GRID2: variants seen among roughly 807,000 people sequenced by gnomAD.
GRID2 encodes glutamate receptor ionotropic, delta-2.
GRID2 carries 33 observed loss-of-function variants against 114.8 expected under a neutral mutation model. That is an observed-to-expected ratio of 0.29 (90% CI 0.22 to 0.38). The LOEUF (loss-of-function observed/expected upper bound fraction) is 0.38, where lower values mean the gene tolerates loss of function less well. GRID2 is among the 10% of genes least tolerant of loss of function. GRID2 has a pLI of 1.00. For synonymous variants in GRID2, 505 were observed against 449.9 expected (o/e 1.12, Z -1.55); for missense variants, 1,184 against 1,257.7 (o/e 0.94, Z 0.89).
At chr4:92,659,466 T>C (rs1732414605) in intron 2 of GRID2, among the ~76,000 whole-genome samples, 1 of 151,520 alleles carries the variant, frequency 6.6e-6, no homozygotes, top group African/African-American at 2.4e-5. Flanking sequence ...GACTTTAGAA[T>C]GTTTCAGATA....
At chr4:93,764,365 G>A (rs1401235234) in intron 14 of GRID2, among the ~76,000 whole-genome samples, 1 of 152,164 alleles carries the variant, frequency 6.6e-6, no homozygotes, top group African/African-American at 2.4e-5. Flanking sequence ...AAGGAAATGA[G>A]ATGTCCGTGT....
At chr4:92,977,695 G>A (rs1438124750) in intron 2 of GRID2, among the ~76,000 whole-genome samples, 1 of 152,140 alleles carries the variant, frequency 6.6e-6, no homozygotes, top group Non-Finnish European at 1.5e-5. Flanking sequence ...GGACTATGGG[G>A]TTGACAATAG....
At chr4:92,568,342 G>A (rs943340790) in intron 1 of GRID2, among the ~76,000 whole-genome samples, 11 of 151,968 alleles carry the variant, frequency 7.2e-5, no homozygotes, top group Non-Finnish European at 5.9e-5. Flanking sequence ...AGTTTCTACA[G>A]GTGTGTCGAG....
chr4:93,335,694 C>CTTTTT (rs55823712), intron 8 of GRID2, among the ~76,000 whole-genome samples: 9,908 of 141,530 alleles, frequency 0.07, 617 homozygotes, highest in African/African-American at 0.12. Context: ...TTTCTTCTTT[C>CTTTTT]TTTTTTTTTT....
At chr4:93,648,362 A>G (rs937401291) in intron 14 of GRID2, among the ~76,000 whole-genome samples, 17 of 152,194 alleles carry the variant, frequency 1.1e-4, no homozygotes, top group Non-Finnish European at 1.8e-4. Context: ...AGAAAAAGGA[A>G]CAAAGCCCCT....
chr4:93,453,795 G>C (rs533238591), intron 10 of GRID2, among the ~76,000 whole-genome samples: 2 of 151,962 alleles, frequency 1.3e-5, no homozygotes, highest in South Asian at 4.2e-4. Context: ...AAATGTTTTG[G>C]GTCACTAGTG....
At chr4:92,646,525 T>C (rs981135907) in intron 2 of GRID2, among the ~76,000 whole-genome samples, 51 of 152,156 alleles carry the variant, frequency 3.4e-4, no homozygotes, top group African/African-American at 1.1e-3. Context: ...TATGTTTTCA[T>C]CTAGAAATGC....
At chr4:93,726,097 C>A (rs1032785076) in intron 14 of GRID2, among the ~76,000 whole-genome samples, 1 of 151,994 alleles carries the variant, frequency 6.6e-6, no homozygotes, top group African/African-American at 2.4e-5. Flanking sequence ...AGGTTTTCTT[C>A]TAGGGTTTTT....
chr4:92,728,346 A>C (rs931847595), intron 2 of GRID2, among the ~76,000 whole-genome samples: 1 of 152,110 alleles, frequency 6.6e-6, no homozygotes, highest in African/African-American at 2.4e-5. Context: ...TTATCTGGGT[A>C]AGTCTGATTC....
chr4:93,301,216 A>G (rs1754837730), intron 8 of GRID2, among the ~76,000 whole-genome samples: 1 of 152,238 alleles, frequency 6.6e-6, no homozygotes, highest in South Asian at 2.1e-4. Context: ...TTAAGAAGAT[A>G]TTAAATGTTT....
At chr4:92,748,166 T>C (rs1218815716) in intron 2 of GRID2, among the ~76,000 whole-genome samples, 2 of 152,340 alleles carry the variant, frequency 1.3e-5, no homozygotes, top group Non-Finnish European at 2.9e-5. Context: ...GATTTCTGAA[T>C]ACATTTTTTC....
chr4:93,027,783 A>G (rs1371276304), intron 2 of GRID2, among the ~76,000 whole-genome samples: 1 of 152,148 alleles, frequency 6.6e-6, no homozygotes, highest in Non-Finnish European at 1.5e-5. Context: ...CAAATTTAAT[A>G]TCTTAGGATA....
chr4:92,932,697 T>G (rs928589049), intron 2 of GRID2, among the ~76,000 whole-genome samples: 1 of 151,304 alleles, frequency 6.6e-6, no homozygotes, highest in Non-Finnish European at 1.5e-5. Context: ...ATACATTATC[T>G]TATATTCATA....
rs1048609867 is a variant in GRID2, at chr4:92,571,549, G to T, written c.89-18582G>T. 9.2e-5 allele frequency among the ~76,000 whole-genome samples: 14 copies of T among 152,252 alleles called. 1 individual carries two copies. The Middle Eastern group carries it at 0.017, about 185-fold the overall frequency. ...CAAATGGACCTAATAGACATCTACA[G>T]AACTCTCCACCCCAAATCAACAGAA... On this transcript the variant is annotated intron_variant, in intron 1 of 15. Transcript: ENST00000282020.
chr4:93,422,699 T>G (rs1768410184), intron 9 of GRID2, 72 bp from the exon 10 acceptor site: 1 of 932,402 alleles, frequency 1.1e-6, no homozygotes, highest in Non-Finnish European at 1.7e-6. Flanking sequence ...ATCAAAACTC[T>G]TTAAAGAATT....
intron 13 of GRID2, among the ~76,000 whole-genome samples, chr4:93,576,710 G>A (rs536950288): frequency 3.9e-5 from 6 of 152,086 alleles, no homozygotes; most frequent in South Asian, 2.1e-4. Flanking sequence ...TCTTCGATAC[G>A]TGTGCATTTC....
At chr4:93,618,581 G>T (rs1178713237) in intron 13 of GRID2, among the ~76,000 whole-genome samples, 3 of 152,190 alleles carry the variant, frequency 2.0e-5, no homozygotes, top group Non-Finnish European at 4.4e-5. Context: ...GGAGGTCTCT[G>T]TCCATCCATT....
At chr4:93,612,359 G>A (rs1486284935) in intron 13 of GRID2, among the ~76,000 whole-genome samples, 1 of 150,092 alleles carries the variant, frequency 6.7e-6, no homozygotes, top group East Asian at 1.9e-4. Context: ...TCATTATGAT[G>A]TTAGCTGGTT....
rs1725790434 is a variant in GRID2 at position 92,313,091 on chromosome 4, G to A, written c.88+8347G>A. Among the ~76,000 whole-genome samples, 8 of 149,924 alleles carry A rather than the reference G, an allele frequency of 5.3e-5. No homozygotes were observed. The South Asian group carries it at 1.5e-3, about 28-fold the overall frequency. ...TAAAGAAACTCTGATATGTGTGTGT[G>A]TGTGTGTGTGTGTGTGTGTGTGTGT... On this transcript the variant is annotated intron_variant, in intron 1 of 15. Transcript: ENST00000282020.
Sources: allele counts gnomAD v4.1 joint callset (sites outside exome capture counted in the v4.1 genomes callset), GRCh38; gene constraint gnomAD v4.1.1; transcripts MANE v1.5; gene names NCBI Gene and HGNC (gene_info 2026-07-23, HGNC 2026-07-21).